EPS8L2: variants seen among roughly 807,000 people sequenced by gnomAD.
EPS8L2 encodes the protein EPS8 signaling adaptor L2.
In EPS8L2, 81 loss-of-function variants were observed where a neutral mutation model predicts 99.4. The observed-to-expected ratio is 0.82, with a 90% confidence interval of 0.68 to 0.98. EPS8L2 has a LOEUF of 0.98. Ranked by LOEUF, EPS8L2 falls within the 50% of genes least tolerant of loss-of-function variation. EPS8L2 has a pLI of 0.00. For missense variants in EPS8L2, 1,155 were observed against 968.8 expected, an observed-to-expected ratio of 1.19 and a Z score of -2.55; for synonymous variants, 509 against 407.3, an observed-to-expected ratio of 1.25 and a Z score of -3.01.
chr11:710,259 C>T (rs1861849318), intron 3 of EPS8L2, 163 bp from the exon 4 acceptor site: 1 of 652,026 alleles, frequency 1.5e-6, no homozygotes, highest in Non-Finnish European at 2.7e-6. Flanking sequence ...AGGGGGCTTC[C>T]TGCAGGTCCT....
At chr11:712,946 G>C (rs1179808672) in intron 4 of EPS8L2, among the ~76,000 whole-genome samples, 1 of 152,202 alleles carries the variant, frequency 6.6e-6, no homozygotes, top group Non-Finnish European at 1.5e-5. Flanking sequence ...CCCTCTTCGG[G>C]AGGAGCCTGG....
chr11:710,156 G>A (rs917146431), intron 3 of EPS8L2: 5 of 472,494 alleles, frequency 1.1e-5, no homozygotes, highest in Non-Finnish European at 1.5e-5. Context: ...AAACCCCCCG[G>A]GCACAGGCTG....
At chr11:722,604 G>A in intron 13 of EPS8L2, 55 bp downstream of exon 13, 1 of 1,610,040 alleles carries the variant, frequency 6.2e-7, no homozygotes, top group Non-Finnish European at 8.5e-7. Context: ...GCTGCATGGG[G>A]GCCAGCAAGG....
intron 4 of EPS8L2, among the ~76,000 whole-genome samples, chr11:714,588 G>A (rs920001809): frequency 1.5e-5 from 2 of 133,102 alleles, no homozygotes; most frequent in Non-Finnish European, 3.3e-5. Context: ...TTAGGGCCAG[G>A]ATCCATTTTA....
chr11:713,053 G>A (rs935806001), intron 4 of EPS8L2, among the ~76,000 whole-genome samples: 8 of 149,930 alleles, frequency 5.3e-5, no homozygotes, highest in African/African-American at 1.9e-4. Context: ...ACAGAGTGAG[G>A]AGTGGAGGGT....
chr11:725,633 C>T (rs948294847), intron 16 of EPS8L2, 95 bp from the exon 17 acceptor site: 3 of 1,202,990 alleles, frequency 2.5e-6, no homozygotes, highest in East Asian at 3.2e-5. Flanking sequence ...CCGGGAGACC[C>T]TAGGGCGCTC....
intron 9 of EPS8L2, 68 bp downstream of exon 9, chr11:721,420 T>C: frequency 6.6e-7 from 1 of 1,511,210 alleles, no homozygotes; most frequent in Non-Finnish European, 8.9e-7. Flanking sequence ...TGGTCCTTGC[T>C]GTCCCTCCGG....
chr11:721,122 G>C lies in EPS8L2; in HGVS notation c.616G>C (p.Ala206Pro). The C allele has an allele frequency of 6.5e-7, 1 of 1,535,156 alleles. No homozygotes were observed. The stretch of plus-strand genomic sequence containing the variant: ...CATCCTGCCTCCTCCCCAGGGCCCG[G>C]CGCCCATCCCCTTCCAGCACCGCGG... ...QSILPPPQGP[A>P]PIPFQHRGGD... Residue 206 changes from alanine to proline, a missense_variant, in exon 8 of 21, where the codon GCG becomes CCG. Physicochemically the swap from Ala to Pro is conservative, Grantham distance 27. Coordinates refer to ENST00000318562, the MANE Select transcript of EPS8L2 (RefSeq NM_022772.4).
chr11:720,538 C>G (rs766015412), intron 5 of EPS8L2, 59 bp from the exon 6 acceptor site: 5 of 1,558,798 alleles, frequency 3.2e-6, no homozygotes, highest in Non-Finnish European at 4.3e-6. Context: ...GCTCCGGCCA[C>G]TCCCTGCCAG....
chr11:721,918 TG>T lies in EPS8L2; in HGVS notation c.912del (p.Arg305GlyfsTer49), dbSNP rs1219375280. 6.3e-7 allele frequency: 1 copy of T among 1,592,914 alleles called. No homozygotes were observed. Among genetic ancestry groups the T allele is most frequent in the African/African-American group, 1.3e-5 (1 of 74,258 alleles). Reference protein sequence around the residue: ...KKAPAEGVLTLRARPPSEGEF... With the variant: ...KKAPAEGVLTXRARPPSEGEF... ...CCCATGCCAGAGGGCGTCCTCACAC[TG>T]CGGGCACGGCCCCCCTCTGAGGGCG... is the stretch of plus-strand genomic sequence containing the variant. On this transcript the variant is annotated frameshift_variant, in exon 11 of 21. Coordinates refer to ENST00000318562, the MANE Select transcript of EPS8L2 (RefSeq NM_022772.4). LOFTEE classifies it high-confidence loss of function.
At chr11:720,777 G>A (rs762570304) in intron 6 of EPS8L2, 31 bp downstream of exon 6, 2 of 1,492,694 alleles carry the variant, frequency 1.3e-6, no homozygotes. Context: ...GCAGGGTGGG[G>A]CCCCGCCGCG....
rs1393167157 is a variant in EPS8L2 at position 727,190 on chromosome 11, C to G, written c.*209C>G. On this transcript the variant is annotated 3_prime_UTR_variant, in exon 21 of 21. Coordinates refer to ENST00000318562, the MANE Select transcript of EPS8L2 (RefSeq NM_022772.4). ...AGCCCACACCAAGACTAATCTCAGC[C>G]AAACCTGCTGCTTGGTGGTGCCAGC... is the stretch of plus-strand genomic sequence containing the variant. 3 of 466,482 alleles carry G rather than the reference C, an allele frequency of 6.4e-6. No homozygotes were observed. In the African/African-American group the frequency reaches 7.4e-5, roughly 12 times the overall value. The allele number at this position is 466,482 out of a possible 1,614,324, so 28.9% of individuals were successfully genotyped here.
Position 717,210 on chromosome 11 carries a change from T to C in EPS8L2, c.166-2852T>C, listed in dbSNP as rs545421334. 3.3e-5 allele frequency among the ~76,000 whole-genome samples: 5 copies of C among 151,988 alleles called. No homozygotes were observed. In the South Asian group the frequency reaches 8.3e-4, roughly 25 times the overall value. On this transcript the variant is annotated intron_variant, in intron 4 of 20. Coordinates refer to ENST00000318562, the MANE Select transcript of EPS8L2 (RefSeq NM_022772.4). ...CAGGCTGGTCTCGAACTCCTGACCT[T>C]GTGATCCACCTGCCTTGGCCTCCCA...
At chr11:720,572 T>C (rs1182103950) in intron 5 of EPS8L2, 25 bp from the exon 6 acceptor site, 1 of 1,587,452 alleles carries the variant, frequency 6.3e-7, no homozygotes, top group Admixed American at 1.8e-5. Context: ...CGGGTGCGAG[T>C]CGTGTCCGCG....
chr11:709,821 T>C, intron 3 of EPS8L2: 1 of 605,416 alleles, frequency 1.7e-6, no homozygotes, highest in Admixed American at 2.9e-5. Context: ...AGGCCTTTAC[T>C]AATAATTCAG....
At chr11:725,875 C>A (rs781316203) in intron 17 of EPS8L2, 28 bp downstream of exon 17, 7 of 1,330,554 alleles carry the variant, frequency 5.3e-6, no homozygotes, top group Non-Finnish European at 6.7e-6. Context: ...CCTGGGGTCG[C>A]AGCCCCCAGC....
rs540937891 is a variant in EPS8L2, at chr11:719,820, C to T, written c.166-242C>T. Reference sequence around the variant, plus strand: ...GGAGGTGGGCGGGTGAGGATGGTGGCGCGGGGCCGGGCAGCAGTTGGAATT... The same window carrying T: ...GGAGGTGGGCGGGTGAGGATGGTGGTGCGGGGCCGGGCAGCAGTTGGAATT... On this transcript the variant is annotated intron_variant, in intron 4 of 20. Coordinates refer to ENST00000318562, the MANE Select transcript of EPS8L2 (RefSeq NM_022772.4). 9.9e-5 allele frequency among the ~76,000 whole-genome samples: 15 copies of T among 152,186 alleles called. No individual in the cohort carries two copies. The South Asian group carries it at 1.5e-3, about 15-fold the overall frequency.
At chr11:709,763 C>T (rs545821523) in intron 3 of EPS8L2, 155 bp downstream of exon 3, 21 of 788,338 alleles carry the variant, frequency 2.7e-5, no homozygotes, top group African/African-American at 1.2e-4. Flanking sequence ...ATCAACCTTC[C>T]GAAAGCTCCT....
intron 1 of EPS8L2, chr11:709,054 C>T (rs919139821): frequency 3.4e-5 from 9 of 268,336 alleles, no homozygotes; most frequent in Non-Finnish European, 6.3e-5. Flanking sequence ...GCTTGGAAGG[C>T]GCCTTCTGCC....
Sources: allele counts gnomAD v4.1 joint callset (sites outside exome capture counted in the v4.1 genomes callset), GRCh38; gene constraint gnomAD v4.1.1; transcripts MANE v1.5; gene names NCBI Gene and HGNC (gene_info 2026-07-23, HGNC 2026-07-21).